Variants in UGT2B4 observed in about 807,000 individuals in gnomAD.
The protein encoded by UGT2B4 is UDP-glucuronosyltransferase 2B4.
A neutral mutation model predicts 49.8 loss-of-function variants in UGT2B4; 49 were observed. The ratio of observed to expected loss-of-function variants is 0.98; its 90% CI spans 0.78 to 1.25. UGT2B4 has a LOEUF of 1.25. Ranked by LOEUF, UGT2B4 falls within the 50% of genes most tolerant of loss-of-function variation. The pLI, the probability that UGT2B4 is intolerant of heterozygous loss-of-function variation, is 0.00. For missense variants in UGT2B4, 729 were observed against 627.7 expected, an observed-to-expected ratio of 1.16 and a Z score of -1.73; for synonymous variants, 246 against 217.7, an observed-to-expected ratio of 1.13 and a Z score of -1.14.
intron 1 of UGT2B4, among the ~76,000 whole-genome samples, chr4:69,507,643 T>G (rs181717238): frequency 6.6e-6 from 1 of 151,928 alleles, no homozygotes; most frequent in Admixed American, 6.6e-5. Context: ...ATGGCCATAC[T>G]GTACAAAGCC....
At chr4:69,502,153 T>TTCTTTCTTTC (rs1560439172) in intron 1 of UGT2B4, among the ~76,000 whole-genome samples, 14 of 120,844 alleles carry the variant, frequency 1.2e-4, no homozygotes, top group South Asian at 2.9e-4. Flanking sequence ...TTCTTTCTCT[T>TTCTTTCTTTC]TCTTTCTTTC....
At chr4:69,508,925 G>A (rs1243590340) in intron 1 of UGT2B4, among the ~76,000 whole-genome samples, 2 of 152,054 alleles carry the variant, frequency 1.3e-5, no homozygotes, top group Admixed American at 1.3e-4. Flanking sequence ...CAGATCTCTA[G>A]AATTTATGCA....
In UGT2B4 at chr4:69,495,541, T is replaced by C; in HGVS notation, c.321A>G (p.Ser107=). The change falls in exon 1 of 6, where the codon TCA becomes TCG. Residue 107 remains serine, a synonymous_variant. Coordinates refer to ENST00000305107, the MANE Select transcript of UGT2B4 (RefSeq NM_021139.3). ...WAELPKDTFW[S]YFSQVQEIMW... ...TGATTTCTTGTACTTGTGAAAAATA[T>C]GACCAAAATGTGTCTTTTGGAAGTT... The C allele has an allele frequency of 1.2e-6, 2 of 1,613,396 alleles. No homozygotes were observed. Among genetic ancestry groups the C allele is most frequent in the Non-Finnish European group, 1.7e-6 (2 of 1,179,620 alleles).
chr4:69,495,495 G>C lies in UGT2B4; in HGVS notation c.367C>G (p.Leu123Val). 1 of 1,612,290 alleles carries C rather than the reference G, an allele frequency of 6.2e-7. No homozygotes were observed. The highest frequency in any genetic ancestry group is 1.1e-5 in the South Asian group (1 of 90,970). The stretch of plus-strand genomic sequence containing the variant: ...ACTATATCCTTACAGAACTTTCTAA[G>C]TATGTCATTAAATGTCCACATGATT... ...QEIMWTFNDILRKFCKDIVSN... is the reference protein window; with the variant it reads ...QEIMWTFNDIVRKFCKDIVSN... The change falls in exon 1 of 6, where the codon CTT becomes GTT. Residue 123 changes from leucine (L) to valine (V), a missense_variant. Transcript: ENST00000305107.
At chr4:69,488,409 A>G (rs1320407143) in intron 3 of UGT2B4, among the ~76,000 whole-genome samples, 1 of 152,136 alleles carries the variant, frequency 6.6e-6, no homozygotes, top group Non-Finnish European at 1.5e-5. Flanking sequence ...AAATTAAAAA[A>G]AAATAATTTA....
intron 1 of UGT2B4, among the ~76,000 whole-genome samples, chr4:69,515,417 G>C (rs1434591591): frequency 6.6e-6 from 1 of 152,078 alleles, no homozygotes. Context: ...ATGACTTTTT[G>C]GCAAAGAATA....
At chr4:69,525,681 A>G in intron 1 of UGT2B4, 1 of 1,275,854 alleles carries the variant, frequency 7.8e-7, no homozygotes, top group Non-Finnish European at 1.0e-6. Flanking sequence ...AATTTATAGC[A>G]CTTACCTAAT....
At chr4:69,510,175 A>G (rs183005048) in intron 1 of UGT2B4, among the ~76,000 whole-genome samples, 9 of 152,140 alleles carry the variant, frequency 5.9e-5, no homozygotes, top group Non-Finnish European at 1.0e-4. Context: ...TTGTGGCTTT[A>G]TTTTTGGGCT....
chr4:69,480,546 G>T lies in UGT2B4; in HGVS notation c.*88C>A. The T allele has an allele frequency of 6.6e-7, 1 of 1,509,266 alleles. No homozygotes were observed. The highest frequency in any genetic ancestry group is 8.9e-7 in the Non-Finnish European group (1 of 1,127,236). 93.5% of individuals were successfully genotyped at this position (1,509,266 alleles called of 1,614,324 possible). On this transcript the variant is annotated 3_prime_UTR_variant, in exon 6 of 6. Coordinates refer to ENST00000305107, the MANE Select transcript of UGT2B4 (RefSeq NM_021139.3). ...AAAGATGTTTTGTCACAAGAAGAAA[G>T]GAATCTCTTGTATCACAACGTCTTC...
At chr4:69,507,664 C>T (rs940563861) in intron 1 of UGT2B4, among the ~76,000 whole-genome samples, 1 of 151,732 alleles carries the variant, frequency 6.6e-6, no homozygotes, top group African/African-American at 2.4e-5. Flanking sequence ...ATATGTAGAA[C>T]ACTAGAACTG....
At chr4:69,524,014 T>C (rs1258288599) in intron 1 of UGT2B4, among the ~76,000 whole-genome samples, 3 of 152,130 alleles carry the variant, frequency 2.0e-5, no homozygotes, top group Admixed American at 1.3e-4. Flanking sequence ...GCTTCACATA[T>C]TCAAAAGAGC....
At position 69,480,916 on chromosome 4, in the gene UGT2B4, C is replaced by T. The variant is rs371915543; in HGVS notation, c.1311-6G>A. On this transcript the variant is annotated splice_region_variant and splice_polypyrimidine_tract_variant and intron_variant, in intron 5 of 5. Coordinates refer to ENST00000305107, the MANE Select transcript of UGT2B4 (RefSeq NM_021139.3). ...TCATAGCATTCTCTTTATATCTAAA[C>T]GATAAGCAGAAAAGTATCAACATTG... 6.2e-7 allele frequency: 1 copy of T among 1,611,870 alleles called. No individual in the cohort carries two copies. The highest frequency in any genetic ancestry group is 2.2e-5 in the East Asian group (1 of 44,818).
intron 1 of UGT2B4, among the ~76,000 whole-genome samples, chr4:69,503,605 T>G (rs1168504755): frequency 6.6e-6 from 1 of 152,172 alleles, no homozygotes; most frequent in Non-Finnish European, 1.5e-5. Context: ...GTGCTAAAGC[T>G]GCACAGAGAA....
intron 1 of UGT2B4, among the ~76,000 whole-genome samples, chr4:69,500,969 A>G (rs1728305086): frequency 3.3e-5 from 5 of 152,058 alleles, no homozygotes; most frequent in Admixed American, 6.6e-5. Flanking sequence ...AAGTAGCTGT[A>G]GTTCTGGCAA....
intron 1 of UGT2B4, among the ~76,000 whole-genome samples, chr4:69,510,216 G>A (rs924379458): frequency 6.6e-6 from 1 of 151,994 alleles, no homozygotes; most frequent in Non-Finnish European, 1.5e-5. Flanking sequence ...CTATATATCT[G>A]TCTTAATTTG....
intron 4 of UGT2B4, 74 bp downstream of exon 4, chr4:69,486,535 T>G: frequency 9.9e-7 from 1 of 1,005,702 alleles, no homozygotes; most frequent in East Asian, 2.8e-5. Context: ...TTCAGTAAGC[T>G]TGTTTCATGA....
chr4:69,489,118 G>T (rs999218375), intron 3 of UGT2B4, among the ~76,000 whole-genome samples: 1 of 151,992 alleles, frequency 6.6e-6, no homozygotes, highest in African/African-American at 2.4e-5. Flanking sequence ...TAAACAAAAG[G>T]ATCAAATCAC....
chr4:69,505,740 AC>A (rs1728452042), intron 1 of UGT2B4, among the ~76,000 whole-genome samples: 1 of 152,134 alleles, frequency 6.6e-6, no homozygotes, highest in Non-Finnish European at 1.5e-5. Flanking sequence ...AGAACTCTCC[AC>A]CCCAAACAGA....
chr4:69,521,597 A>G (rs6816748), intron 1 of UGT2B4, among the ~76,000 whole-genome samples: 21,701 of 152,134 alleles, frequency 0.14, 1,857 homozygotes, highest in Non-Finnish European at 0.19. Flanking sequence ...ATGCCTCAGT[A>G]CTTCATGCCT....
Sources: gnomAD v4.1 joint callset for allele counts (sites outside exome capture counted in the v4.1 genomes callset) on GRCh38, gnomAD v4.1.1 for gene constraint, MANE v1.5 for transcripts, NCBI Gene and HGNC (gene_info 2026-07-23, HGNC 2026-07-21) for gene names.